Variants in KCNQ5 observed in about 807,000 individuals in gnomAD.
KCNQ5 encodes potassium voltage-gated channel subfamily Q member 5.
In KCNQ5, 30 loss-of-function variants were observed where a neutral mutation model predicts 98.2. The ratio of observed to expected loss-of-function variants is 0.31; its 90% CI spans 0.23 to 0.41. KCNQ5 has a LOEUF of 0.41. Among genes scored for constraint, KCNQ5 ranks in the 10% least tolerant of loss-of-function variants. KCNQ5 has a pLI of 1.00. For missense variants in KCNQ5, 835 were observed against 1,182.5 expected (o/e 0.71, Z 4.31); for synonymous variants, 458 against 449.4 (o/e 1.02, Z -0.24).
intron 1 of KCNQ5, among the ~76,000 whole-genome samples, chr6:72,662,774 ATTAT>A (rs1450831953): frequency 6.6e-6 from 1 of 152,152 alleles, no homozygotes; most frequent in Non-Finnish European, 1.5e-5. Context: ...AGCTGCCCTA[ATTAT>A]TAGTAAGAGA....
At chr6:72,917,764 C>T (rs567613472) in intron 1 of KCNQ5, among the ~76,000 whole-genome samples, 5 of 152,216 alleles carry the variant, frequency 3.3e-5, no homozygotes, top group East Asian at 1.9e-4. Context: ...AGTCACCATG[C>T]GCGGCCAGGA....
intron 10 of KCNQ5, among the ~76,000 whole-genome samples, chr6:73,140,008 T>C (rs995323847): frequency 1.3e-5 from 2 of 152,182 alleles, no homozygotes; most frequent in African/African-American, 4.8e-5. Context: ...TTCTCTTAAC[T>C]TCTACCTAGG....
At chr6:73,076,214 G>A (rs6921049) in intron 3 of KCNQ5, among the ~76,000 whole-genome samples, 31,367 of 152,116 alleles carry the variant, frequency 0.21, 7,077 homozygotes, top group African/African-American at 0.57. Context: ...GGAGAAGGAT[G>A]AGCTGAATGA....
intron 1 of KCNQ5, among the ~76,000 whole-genome samples, chr6:72,871,519 C>A (rs1238248355): frequency 6.6e-6 from 1 of 152,160 alleles, no homozygotes; most frequent in Non-Finnish European, 1.5e-5. Flanking sequence ...AAAGAAATAG[C>A]TACTCACTAA....
rs374384492 is a variant in KCNQ5 at position 73,074,674 on chromosome 6, G to A, written c.617-2648G>A. ...ATACAATATATGCTTTTTCTGCCTC[G>A]CTTTTTTCATCTGTAAAATGGGATC... On this transcript the variant is annotated intron_variant, in intron 3 of 13. Transcript: ENST00000370398. 8.4e-4 allele frequency among the ~76,000 whole-genome samples: 126 copies of A among 150,396 alleles called. 2 individuals carry two copies. The South Asian group carries it at 0.026, about 31-fold the overall frequency.
Position 72,658,585 on chromosome 6 carries a change from T to A in KCNQ5, c.398+35998T>A, listed in dbSNP as rs1426413259. Among the ~76,000 whole-genome samples, 145 of 132,060 alleles carry A rather than the reference T, an allele frequency of 1.1e-3. 1 individual carries two copies. Among genetic ancestry groups the A allele is most frequent in the African/African-American group, 3.8e-3 (130 of 33,908 alleles). 86.6% of individuals were successfully genotyped at this position (132,060 alleles called of 152,430 possible). A position where few individuals can be genotyped will look rare whatever the true frequency, so the allele number is the denominator to read the frequency against. Reference sequence around the variant, plus strand: ...ATATATATATATATATATATTTTTTTTTTTTTTTTTTTTGAGACAGGGTCT... The same window carrying A: ...ATATATATATATATATATATTTTTTATTTTTTTTTTTTTGAGACAGGGTCT... On this transcript the variant is annotated intron_variant, in intron 1 of 13. Transcript: ENST00000370398.
chr6:73,097,296 T>C (rs897361372), intron 5 of KCNQ5, among the ~76,000 whole-genome samples: 3 of 150,992 alleles, frequency 2.0e-5, no homozygotes, highest in Non-Finnish European at 4.4e-5. Flanking sequence ...TTGTTTCAGA[T>C]TCCCCATGTA....
Position 73,194,847 on chromosome 6 carries a change from C to A in KCNQ5, c.2232C>A (p.Ala744=). 6.2e-7 allele frequency: 1 copy of A among 1,614,188 alleles called. No homozygotes were observed. The highest frequency in any genetic ancestry group is 8.5e-7 in the Non-Finnish European group (1 of 1,180,038). ...TAAATACGGCACCCAAGCCAGCAGC[C>A]CCAACAACTTTACAGATCCCACCTC... ...NQINTAPKPA[A]PTTLQIPPPL... is the part of the protein sequence containing the mutation. Residue 744 remains alanine (A), a synonymous_variant, in exon 14 of 14, where the codon GCC becomes GCA. Coordinates refer to ENST00000370398, the MANE Select transcript of KCNQ5 (RefSeq NM_019842.4).
chr6:72,964,149 G>A (rs1338518615), intron 1 of KCNQ5, among the ~76,000 whole-genome samples: 1 of 152,160 alleles, frequency 6.6e-6, no homozygotes, highest in African/African-American at 2.4e-5. Context: ...AAGCCAGTGA[G>A]TTTCTTGGCA....
intron 1 of KCNQ5, among the ~76,000 whole-genome samples, chr6:72,708,080 CT>C (rs1769179367): frequency 6.6e-6 from 1 of 152,192 alleles, no homozygotes; most frequent in Admixed American, 6.5e-5. Context: ...GATAGTAGCT[CT>C]CTTTACTCTT....
Position 73,151,068 on chromosome 6 carries a change from G to A in KCNQ5, c.1468+17427G>A, listed in dbSNP as rs543288887. ...ACTTTTGCAAGATGTTACCATTGTA[G>A]GAAACTGAATAGAGGGTACACAGAA... On this transcript the variant is annotated intron_variant, in intron 10 of 13. Transcript: ENST00000370398. Among the ~76,000 whole-genome samples, 5 of 152,002 alleles carry A rather than the reference G, an allele frequency of 3.3e-5. No individual in the cohort carries two copies. In the East Asian group the frequency reaches 5.8e-4, roughly 18 times the overall value.
chr6:72,647,438 G>GA (rs1473118560), intron 1 of KCNQ5, among the ~76,000 whole-genome samples: 4 of 107,268 alleles, frequency 3.7e-5, no homozygotes, highest in Admixed American at 9.8e-5. Context: ...CAACAACCCA[G>GA]AAAAAACAAA....
chr6:72,802,093 C>T (rs1233035353), intron 1 of KCNQ5, among the ~76,000 whole-genome samples: 1 of 151,958 alleles, frequency 6.6e-6, no homozygotes, highest in Non-Finnish European at 1.5e-5. Flanking sequence ...GTGAATCTGA[C>T]AATTATGTGT....
chr6:73,116,710 A>G (rs1179783200), intron 7 of KCNQ5, among the ~76,000 whole-genome samples: 1 of 152,182 alleles, frequency 6.6e-6, no homozygotes, highest in Non-Finnish European at 1.5e-5. Flanking sequence ...GGATTCTTAA[A>G]AATAGAAGCA....
At chr6:72,977,678 C>T (rs1479595269) in intron 1 of KCNQ5, among the ~76,000 whole-genome samples, 1 of 152,124 alleles carries the variant, frequency 6.6e-6, no homozygotes. Context: ...GAGAGACCTT[C>T]CCTGACCACT....
chr6:72,708,390 A>G (rs1582147819), intron 1 of KCNQ5, among the ~76,000 whole-genome samples: 1 of 152,356 alleles, frequency 6.6e-6, no homozygotes, highest in East Asian at 1.9e-4. Context: ...GGGAAAATTT[A>G]TGGAAAAAAT....
intron 1 of KCNQ5, among the ~76,000 whole-genome samples, chr6:72,989,648 C>T (rs1437459738): frequency 4.7e-3 from 1 of 212 alleles, no homozygotes; most frequent in Non-Finnish European, 8.2e-3. Context: ...TGTGCAGAAG[C>T]TCTTTAGTTT....
intron 3 of KCNQ5, among the ~76,000 whole-genome samples, chr6:73,054,194 C>G (rs1772361812): frequency 6.6e-6 from 1 of 152,022 alleles, no homozygotes; most frequent in Non-Finnish European, 1.5e-5. Context: ...AAAATTGAAT[C>G]AGTAATAAAA....
intron 3 of KCNQ5, 111 bp from the exon 4 acceptor site, chr6:73,077,211 C>G: frequency 9.6e-7 from 1 of 1,039,220 alleles, no homozygotes; most frequent in South Asian, 1.5e-5. Context: ...GAATCAAGAT[C>G]TGTTTATCTG....
Sources: allele counts gnomAD v4.1 joint callset (sites outside exome capture counted in the v4.1 genomes callset), GRCh38; gene constraint gnomAD v4.1.1; transcripts MANE v1.5; gene names NCBI Gene and HGNC (gene_info 2026-07-23, HGNC 2026-07-21).